The following MPP7 variants were observed in gnomAD, a reference collection of about 807,000 sequenced individuals.
MPP7 encodes the protein MAGUK p55 subfamily member 7.
A neutral mutation model predicts 76.5 loss-of-function variants in MPP7; 60 were observed. The observed-to-expected ratio is 0.78, with a 90% confidence interval of 0.64 to 0.97. The LOEUF is 0.97. MPP7 is among the 50% of genes least tolerant of loss of function. The pLI is 0.00. For missense variants in MPP7, 641 were observed against 694.0 expected (o/e 0.92, Z 0.86); for synonymous variants, 237 against 244.5 (o/e 0.97, Z 0.29).
At chr10:28,243,975 T>C (rs998783591) in intron 1 of MPP7, among the ~76,000 whole-genome samples, 8 of 152,338 alleles carry the variant, frequency 5.3e-5, no homozygotes, top group African/African-American at 1.4e-4. Flanking sequence ...TTTAAGAGTA[T>C]AGATCTGAGG....
rs1564641033 is a variant in MPP7 at position 28,120,575 on chromosome 10, G to A, written c.690+19C>T. 1 of 1,609,950 alleles carries A rather than the reference G, an allele frequency of 6.2e-7. No individual in the cohort carries two copies. Among genetic ancestry groups the A allele is most frequent in the Non-Finnish European group, 8.5e-7 (1 of 1,176,508 alleles). On this transcript the variant is annotated intron_variant, in intron 9 of 16. Coordinates refer to ENST00000683449, the MANE Select transcript of MPP7 (RefSeq NM_001318170.2). ...ACTTCCCTCCCACGCACGAAGAAAT[G>A]TTTTTAAGCAATAATTACCTTGCCT...
At chr10:28,207,542 G>A (rs1323378106) in intron 2 of MPP7, among the ~76,000 whole-genome samples, 8 of 151,838 alleles carry the variant, frequency 5.3e-5, no homozygotes, top group South Asian at 2.1e-4. Context: ...GAAATTACCC[G>A]GGCATGGTGG....
intron 5 of MPP7, among the ~76,000 whole-genome samples, chr10:28,139,473 T>A (rs965238544): frequency 5.9e-5 from 9 of 152,176 alleles, no homozygotes; most frequent in Admixed American, 1.3e-4. Context: ...AAGATATACT[T>A]TTGTTCTTTA....
intron 3 of MPP7, among the ~76,000 whole-genome samples, chr10:28,161,174 C>T (rs1230403355): frequency 6.6e-6 from 1 of 152,152 alleles, no homozygotes; most frequent in Admixed American, 6.6e-5. Flanking sequence ...CACTAACATA[C>T]ATTTTTCATT....
intron 3 of MPP7, among the ~76,000 whole-genome samples, chr10:28,166,023 C>CAAAAAA (rs9299600): frequency 5.0e-5 from 5 of 99,888 alleles, no homozygotes; most frequent in Non-Finnish European, 5.6e-5. Context: ...AGACTCATCT[C>CAAAAAA]AAAAAAAAAA....
intron 3 of MPP7, among the ~76,000 whole-genome samples, chr10:28,196,830 C>T (rs958925503): frequency 2.6e-5 from 4 of 152,178 alleles, no homozygotes; most frequent in Admixed American, 6.5e-5. Flanking sequence ...CATCTCTGAC[C>T]TGGGAATCTC....
chr10:28,145,213 G>A lies in MPP7; in HGVS notation c.315+2270C>T, dbSNP rs952856642. 5.3e-5 allele frequency among the ~76,000 whole-genome samples: 8 copies of A among 152,070 alleles called. No individual in the cohort carries two copies. The East Asian group carries it at 7.7e-4, about 15-fold the overall frequency. On this transcript the variant is annotated intron_variant, in intron 5 of 16. Coordinates refer to ENST00000683449, the MANE Select transcript of MPP7 (RefSeq NM_001318170.2). ...CAGGCTTGAGCCACCGTGCCTGGCC[G>A]TATCTGTGTCTTTTTAAAGTTCTAT... is the stretch of plus-strand genomic sequence containing the variant.
chr10:28,199,254 A>G (rs904330220), intron 3 of MPP7, among the ~76,000 whole-genome samples: 7 of 152,158 alleles, frequency 4.6e-5, no homozygotes, highest in African/African-American at 1.7e-4. Flanking sequence ...TCAAGATGAG[A>G]TTTGGATGGG....
chr10:28,313,169 AG>A (rs1841298908), intron 2 of MPP7, among the ~76,000 whole-genome samples: 3 of 152,204 alleles, frequency 2.0e-5, no homozygotes, highest in Non-Finnish European at 2.9e-5. Context: ...GGAACTTAAT[AG>A]TTAACTCTCT....
intron 1 of MPP7, among the ~76,000 whole-genome samples, chr10:28,258,237 C>A: frequency 6.7e-6 from 1 of 149,234 alleles, no homozygotes; most frequent in Non-Finnish European, 1.5e-5. Context: ...AAGGTGAGAC[C>A]ACCAAGAAGA....
intron 5 of MPP7, among the ~76,000 whole-genome samples, chr10:28,139,794 T>A (rs900997470): frequency 6.6e-6 from 1 of 152,230 alleles, no homozygotes; most frequent in Non-Finnish European, 1.5e-5. Flanking sequence ...TATTTAACCT[T>A]GTCTATAAAC....
At position 28,086,820 on chromosome 10, in the gene MPP7, T is replaced by A. The variant is rs186982865; in HGVS notation, c.1123+2851A>T. 6.6e-5 allele frequency among the ~76,000 whole-genome samples: 10 copies of A among 151,904 alleles called. No homozygotes were observed. In the East Asian group the frequency reaches 1.9e-3, roughly 29 times the overall value. ...ATCGGGGAAAGCCCACCAGAGTCTA[T>A]CCCCCGCTGAATACAGCCCAAACCT... On this transcript the variant is annotated intron_variant, in intron 12 of 16. Transcript: ENST00000683449.
rs1184211702 is a variant in MPP7, at chr10:28,233,186, CGATGGTG to C, written c.37+5375_37+5381del. 3.3e-5 allele frequency among the ~76,000 whole-genome samples: 5 copies of C among 152,160 alleles called. No individual in the cohort carries two copies. In the East Asian group the frequency reaches 9.7e-4, roughly 29 times the overall value. ...ACTGGGACTGAACAATTAAGTAAAT[CGATGGTG>C]GATGGTAGTAGCAGGTTTTCCACTG... On this transcript the variant is annotated intron_variant, in intron 2 of 16. Transcript: ENST00000683449.
At chr10:28,134,683 T>C (rs1835300308) in intron 5 of MPP7, among the ~76,000 whole-genome samples, 1 of 152,148 alleles carries the variant, frequency 6.6e-6, no homozygotes, top group African/African-American at 2.4e-5. Flanking sequence ...CGAAGCCTGA[T>C]ATATCCTTTA....
chr10:28,300,279 T>G (rs1841125717), intron 1 of MPP7, among the ~76,000 whole-genome samples: 1 of 151,938 alleles, frequency 6.6e-6, no homozygotes, highest in African/African-American at 2.4e-5. Flanking sequence ...TCACAGAAAC[T>G]CTGAAAACCA....
At chr10:28,146,986 T>C (rs12241932) in intron 5 of MPP7, among the ~76,000 whole-genome samples, 53,330 of 151,950 alleles carry the variant, frequency 0.35, 11,289 homozygotes, top group East Asian at 0.86. Context: ...CAATATTTTA[T>C]GGGTATTTTA....
chr10:28,333,408 G>A (rs1354439124), intron 1 of MPP7, among the ~76,000 whole-genome samples: 1 of 152,206 alleles, frequency 6.6e-6, no homozygotes, highest in African/African-American at 2.4e-5. Context: ...GCCTCCCAAA[G>A]TGTTGGGATT....
Position 28,053,377 on chromosome 10 carries a change from A to G in MPP7, c.*688T>C, listed in dbSNP as rs1185301567. The G allele has an allele frequency of 6.6e-6, 1 of 152,328 alleles. No homozygotes were observed. The highest frequency in any genetic ancestry group is 1.9e-4 in the East Asian group (1 of 5,186). 9.4% of individuals were successfully genotyped at this position (152,328 alleles called of 1,614,324 possible). On this transcript the variant is annotated 3_prime_UTR_variant, in exon 17 of 17. Transcript: ENST00000683449. ...AGGAAAGGCTTTTCGTTACATATAT[A>G]ATAACTGTTAAAAGTCTACTTTCCC...
At chr10:28,102,231 C>T (rs748067854) in intron 11 of MPP7, among the ~76,000 whole-genome samples, 7 of 152,164 alleles carry the variant, frequency 4.6e-5, no homozygotes, top group African/African-American at 1.2e-4. Context: ...CAGCCTTGAA[C>T]TCCTGGCCTC....
Sources: allele counts gnomAD v4.1 joint callset (sites outside exome capture counted in the v4.1 genomes callset), GRCh38; gene constraint gnomAD v4.1.1; transcripts MANE v1.5; gene names NCBI Gene and HGNC (gene_info 2026-07-23, HGNC 2026-07-21).